The following CLIC6 variants were observed in gnomAD, a reference collection of about 807,000 sequenced individuals.
CLIC6 encodes chloride intracellular channel protein 6.
In CLIC6, 39 loss-of-function variants were observed where a neutral mutation model predicts 49.2. The observed-to-expected ratio is 0.79, with a 90% CI of 0.61 to 1.04. CLIC6 has a LOEUF of 1.04. CLIC6 is among the 50% of genes least tolerant of loss of function. The pLI is 0.00. For synonymous variants in CLIC6, 446 were observed against 433.4 expected (o/e 1.03, Z -0.36); for missense variants, 988 against 993.1 (o/e 0.99, Z 0.07).
intron 1 of CLIC6, among the ~76,000 whole-genome samples, chr21:34,685,000 A>G (rs1989849164): frequency 6.6e-6 from 1 of 152,158 alleles, no homozygotes; most frequent in Admixed American, 6.5e-5. Context: ...CCATAAACCT[A>G]GATTTTGCCT....
At chr21:34,694,122 C>T (rs1026803875) in intron 1 of CLIC6, among the ~76,000 whole-genome samples, 4 of 148,018 alleles carry the variant, frequency 2.7e-5, no homozygotes, top group East Asian at 2.0e-4. Context: ...TACAGCACCA[C>T]CACGCCTGGT....
chr21:34,712,195 C>T (rs2056061513), intron 5 of CLIC6, among the ~76,000 whole-genome samples: 1 of 152,188 alleles, frequency 6.6e-6, no homozygotes, highest in Non-Finnish European at 1.5e-5. Flanking sequence ...GCTTAATGAT[C>T]TTCCAGGATG....
At chr21:34,671,554 T>C (rs1473737882) in intron 1 of CLIC6, among the ~76,000 whole-genome samples, 2 of 152,216 alleles carry the variant, frequency 1.3e-5, no homozygotes, top group Non-Finnish European at 2.9e-5. Context: ...CAGGAATTAT[T>C]TACAAGGCAT....
chr21:34,702,472 T>C (rs1990208802), intron 1 of CLIC6, among the ~76,000 whole-genome samples: 1 of 152,134 alleles, frequency 6.6e-6, no homozygotes, highest in South Asian at 2.1e-4. Flanking sequence ...CCTCAGGCTC[T>C]CCTGGGTTGA....
intron 1 of CLIC6, among the ~76,000 whole-genome samples, chr21:34,671,121 T>TAAAA (rs58413747): frequency 1.7e-5 from 2 of 115,960 alleles, no homozygotes; most frequent in Admixed American, 9.1e-5. Context: ...ACTAAAAAGT[T>TAAAA]AAAAAAAAAA....
chr21:34,710,771 C>T (rs1379455184), intron 5 of CLIC6, among the ~76,000 whole-genome samples: 1 of 152,124 alleles, frequency 6.6e-6, no homozygotes, highest in Non-Finnish European at 1.5e-5. Context: ...CAAGATCACA[C>T]CACTGAACTC....
At chr21:34,705,227 T>C (rs2056006157) in intron 1 of CLIC6, among the ~76,000 whole-genome samples, 1 of 152,180 alleles carries the variant, frequency 6.6e-6, no homozygotes. Flanking sequence ...TTGGCTTGAC[T>C]GCTCAAACCT....
chr21:34,671,682 G>A (rs1448113463), intron 1 of CLIC6, among the ~76,000 whole-genome samples: 1 of 152,222 alleles, frequency 6.6e-6, no homozygotes, highest in Non-Finnish European at 1.5e-5. Context: ...TCAAGAATGT[G>A]CATTTCATGT....
chr21:34,710,268 A>G (rs1481481387), intron 5 of CLIC6, among the ~76,000 whole-genome samples: 1 of 151,998 alleles, frequency 6.6e-6, no homozygotes, highest in Non-Finnish European at 1.5e-5. Context: ...ACAGAGTGAG[A>G]CCCCATCTCT....
chr21:34,671,151 A>C (rs1989561293), intron 1 of CLIC6, among the ~76,000 whole-genome samples: 2 of 151,142 alleles, frequency 1.3e-5, no homozygotes, highest in African/African-American at 4.9e-5. Flanking sequence ...AAGAAGAAGA[A>C]GAAGAAAAGC....
chr21:34,673,610 G>A (rs1568956237), intron 1 of CLIC6, among the ~76,000 whole-genome samples: 1 of 152,118 alleles, frequency 6.6e-6, no homozygotes, highest in Non-Finnish European at 1.5e-5. Flanking sequence ...TAACTTCTGA[G>A]GGGTCACTTA....
chr21:34,714,423 C>A (rs1159904331), intron 5 of CLIC6, among the ~76,000 whole-genome samples: 1 of 152,176 alleles, frequency 6.6e-6, no homozygotes, highest in Non-Finnish European at 1.5e-5. Context: ...TGCAGTGGCT[C>A]ACACCTGTAA....
intron 1 of CLIC6, among the ~76,000 whole-genome samples, chr21:34,704,943 T>C (rs2056004429): frequency 6.6e-6 from 1 of 152,288 alleles, no homozygotes; most frequent in South Asian, 2.1e-4. Flanking sequence ...CAGAGCTTTG[T>C]CTAGGGGTGC....
Position 34,670,757 on chromosome 21 carries a change from G to C in CLIC6, c.1369G>C (p.Val457Leu). Residue 457 changes from valine (V) to leucine (L), a missense_variant, in exon 1 of 6, where the codon GTC (valine) becomes CTC (leucine). This residue lies in a region of CLIC6 where 647 missense variants were observed against 596.9 expected (regional missense o/e 1.08). Transcript: ENST00000349499. ...LGQEHDITLFVKAGYDGESIG... is the reference protein window; with the variant it reads ...LGQEHDITLFLKAGYDGESIG... ...GCAGGAGCACGACATCACCCTCTTC[G>C]TCAAGGTAAAGCTCGCTTCCCTCAA... The C allele has an allele frequency of 6.3e-7, 1 of 1,598,932 alleles. No homozygotes were observed. The highest frequency in any genetic ancestry group is 8.5e-7 in the Non-Finnish European group (1 of 1,177,696).
chr21:34,711,676 T>C (rs2145821053), intron 5 of CLIC6, among the ~76,000 whole-genome samples: 1 of 152,342 alleles, frequency 6.6e-6, no homozygotes, highest in East Asian at 1.9e-4. Flanking sequence ...CCTGCATTTC[T>C]TCTTTCTATC....
intron 1 of CLIC6, among the ~76,000 whole-genome samples, chr21:34,693,992 T>TTTC (rs1990046004): frequency 6.7e-6 from 1 of 149,304 alleles, no homozygotes; most frequent in Non-Finnish European, 1.5e-5. Flanking sequence ...TTTTTTTTTT[T>TTTC]GACGGAGTCT....
At chr21:34,695,215 C>A (rs1990069017) in intron 1 of CLIC6, among the ~76,000 whole-genome samples, 1 of 152,354 alleles carries the variant, frequency 6.6e-6, no homozygotes, top group East Asian at 1.9e-4. Context: ...TGTCTTGGCT[C>A]ATGGCCCCAT....
At chr21:34,702,470 T>C (rs1990208715) in intron 1 of CLIC6, among the ~76,000 whole-genome samples, 1 of 152,068 alleles carries the variant, frequency 6.6e-6, no homozygotes, top group African/African-American at 2.4e-5. Flanking sequence ...TCCCTCAGGC[T>C]CTCCTGGGTT....
At chr21:34,687,031 A>G (rs1989895953) in intron 1 of CLIC6, among the ~76,000 whole-genome samples, 1 of 152,214 alleles carries the variant, frequency 6.6e-6, no homozygotes, top group Admixed American at 6.5e-5. Flanking sequence ...CAGGTACTCT[A>G]GGCTGATAAA....
Sources: gnomAD v4.1 joint callset for allele counts (sites outside exome capture counted in the v4.1 genomes callset) on GRCh38, gnomAD v4.1.1 for gene constraint, gnomAD v4.1.1 regional missense constraint, MANE v1.5 for transcripts, NCBI Gene and HGNC (gene_info 2026-07-23, HGNC 2026-07-21) for gene names.